FOXM1: variants seen among roughly 807,000 people sequenced by gnomAD.
The protein encoded by FOXM1 is forkhead box protein M1.
Under a neutral mutation model 63.6 loss-of-function variants are expected in FOXM1, and 25 were observed. That is an observed-to-expected ratio of 0.39 (90% confidence interval 0.29 to 0.55). The LOEUF is 0.55. Ranked by LOEUF, FOXM1 falls within the 20% of genes least tolerant of loss-of-function variation. The pLI, the probability that FOXM1 is intolerant of heterozygous loss-of-function variation, is 0.60. For synonymous variants in FOXM1, 387 were observed against 376.9 expected (o/e 1.03, Z -0.31); for missense variants, 879 against 958.7 (o/e 0.92, Z 1.10).
rs2098146652 is a variant in FOXM1 at position 2,877,106 on chromosome 12, C to G, written c.-234G>C. The G allele has an allele frequency of 6.6e-6, 1 of 151,886 alleles. No homozygotes were observed. The highest frequency in any genetic ancestry group is 1.5e-5 in the Non-Finnish European group (1 of 67,954). The allele number at this position is 151,886 out of a possible 1,614,324, so 9.4% of individuals were successfully genotyped here. ...AGGGGAGGGGGTCCCGGGCCGGGGC[C>G]GGGGGTGGGGTCTGGCACCGGAGCT... On this transcript the variant is annotated 5_prime_UTR_variant, in exon 1 of 9. Transcript: ENST00000359843.
chr12:2,864,701 C>A lies in FOXM1; in HGVS notation c.1072G>T (p.Glu358Ter). The part of the protein sequence containing the change: ...ELRRNMTIKT[E>*]LPLGARRKMK... ...TACTAACGTGCGCCCAGGGGGAGTT[C>A]GGTTTTGATGGTCATGTTCCGGCGG... The change falls in exon 7 of 9, where the codon GAA becomes TAA. Residue 358 changes from glutamate (E) to a stop codon, truncating the protein, a stop_gained. Coordinates refer to ENST00000359843, the MANE Select transcript of FOXM1 (RefSeq NM_021953.4). LOFTEE classifies it high-confidence loss of function. The surrounding 1 kb of genome is among the most constrained non-coding windows in gnomAD (Gnocchi z 5.1). 1 of 1,614,110 alleles carries A rather than the reference C, an allele frequency of 6.2e-7. No homozygotes were observed. Among genetic ancestry groups the A allele is most frequent in the South Asian group, 1.1e-5 (1 of 91,074 alleles).
At chr12:2,876,489 G>A (rs543699661) in intron 1 of FOXM1, 1 of 152,392 alleles carries the variant, frequency 6.6e-6, no homozygotes, top group South Asian at 2.1e-4. Flanking sequence ...ACATTCTCAA[G>A]AACCAGGAAA....
In FOXM1 at chr12:2,864,712, G is replaced by A; in HGVS notation, c.1061C>T (p.Thr354Ile). The change falls in exon 7 of 9, where the codon ACC becomes ATC. Residue 354 changes from threonine to isoleucine, a missense_variant. Physicochemically the swap from Thr to Ile is moderately conservative, Grantham distance 89 (BLOSUM62 -1). Transcript: ENST00000359843. The surrounding 1 kb of genome is among the most constrained non-coding windows in gnomAD (Gnocchi z 5.1). ...RPNPELRRNM[T>I]IKTELPLGAR... Reference sequence around the variant, plus strand: ...GCCCAGGGGGAGTTCGGTTTTGATGGTCATGTTCCGGCGGAGCTCTGGATT... The same window carrying A: ...GCCCAGGGGGAGTTCGGTTTTGATGATCATGTTCCGGCGGAGCTCTGGATT... 6.2e-7 allele frequency: 1 copy of A among 1,614,202 alleles called. No homozygotes were observed. Among genetic ancestry groups the A allele is most frequent in the Non-Finnish European group, 8.5e-7 (1 of 1,180,046 alleles).
chr12:2,860,957 A>G (rs2098111341), intron 8 of FOXM1, among the ~76,000 whole-genome samples: 1 of 151,850 alleles, frequency 6.6e-6, no homozygotes, highest in Non-Finnish European at 1.5e-5. Context: ...TCATGAGGTC[A>G]GGAGTTCGTG....
At chr12:2,865,886 T>G (rs1166142074) in intron 5 of FOXM1, among the ~76,000 whole-genome samples, 2 of 151,900 alleles carry the variant, frequency 1.3e-5, no homozygotes, top group African/African-American at 4.8e-5. Flanking sequence ...CTCCCGACCT[T>G]AGGTGATCCA....
In FOXM1 at chr12:2,865,415, C is replaced by T; in HGVS notation, c.976-16G>A. The stretch of plus-strand genomic sequence containing the variant: ...GGTCCAGTGGCTGGTGGCGGCCAGG[C>T]ATTGTGGGAGAGAAATGAGATGAAG... On this transcript the variant is annotated splice_polypyrimidine_tract_variant and intron_variant, in intron 5 of 8. Transcript: ENST00000359843. 6.2e-7 allele frequency: 1 copy of T among 1,607,672 alleles called. No individual in the cohort carries two copies. Among genetic ancestry groups the T allele is most frequent in the Non-Finnish European group, 8.5e-7 (1 of 1,176,630 alleles).
At chr12:2,868,361 AAC>A in intron 4 of FOXM1, 200 bp downstream of exon 4, 1 of 450,826 alleles carries the variant, frequency 2.2e-6, no homozygotes, top group Non-Finnish European at 3.9e-6. Context: ...TTTAGGTAGT[AAC>A]ACATGAAGTA....
Position 2,858,882 on chromosome 12 carries a change from T to G in FOXM1, c.2048A>C (p.Asp683Ala), listed in dbSNP as rs2098099725. 1 of 1,613,736 alleles carries G rather than the reference T, an allele frequency of 6.2e-7. No homozygotes were observed. The highest frequency in any genetic ancestry group is 1.6e-4 in the Middle Eastern group (1 of 6,062). The part of the protein sequence containing the change: ...PQRLLSSEPL[D>A]LISVPFGNSS... ...GTTGCCAAAGGGGACGGAGATGAGG[T>G]CTAAGGGTTCTGAACTGAGGAGCCT... Residue 683 changes from aspartate (D) to alanine (A), a missense_variant, in exon 9 of 9, where the codon GAC (aspartate) becomes GCC (alanine). Transcript: ENST00000359843.
intron 8 of FOXM1, chr12:2,861,283 A>G: frequency 1.4e-6 from 1 of 720,486 alleles, no homozygotes; most frequent in Non-Finnish European, 2.5e-6. Flanking sequence ...CATAATGACA[A>G]GGTGCTCAGA....
At chr12:2,865,267 A>C in intron 6 of FOXM1, 88 bp downstream of exon 6, 1 of 1,243,474 alleles carries the variant, frequency 8.0e-7, no homozygotes, top group Non-Finnish European at 1.1e-6. Context: ...CCTTCCCCAC[A>C]TCACATCTTG....
intron 8 of FOXM1, among the ~76,000 whole-genome samples, chr12:2,862,173 C>T (rs1168775976): frequency 6.9e-5 from 10 of 144,370 alleles, no homozygotes; most frequent in Admixed American, 1.4e-4. Flanking sequence ...AGTGAGACTC[C>T]GTCTCAGGAA....
intron 1 of FOXM1, among the ~76,000 whole-genome samples, chr12:2,875,794 CTT>C (rs890806599): frequency 2.1e-5 from 3 of 140,854 alleles, no homozygotes; most frequent in East Asian, 2.1e-4. Flanking sequence ...GAGCTTCGCT[CTT>C]GTCACCCAGG....
At chr12:2,863,452 A>C (rs1437314921) in intron 8 of FOXM1, among the ~76,000 whole-genome samples, 1 of 149,976 alleles carries the variant, frequency 6.7e-6, no homozygotes. Flanking sequence ...GCAGTGGTGC[A>C]AACAGGGCTC....
Position 2,858,921 on chromosome 12 carries a change from A to G in FOXM1, c.2009T>C (p.Leu670Pro), listed in dbSNP as rs563190488. 10 of 1,613,654 alleles carry G rather than the reference A, an allele frequency of 6.2e-6. No individual in the cohort carries two copies. The South Asian group carries it at 7.7e-5, about 12-fold the overall frequency. The change falls in exon 9 of 9, where the codon CTT becomes CCT. Residue 670 changes from leucine to proline, a missense_variant. Transcript: ENST00000359843. ...STTPLQSAPPLESPQRLLSSE... is the reference protein window; with the variant it reads ...STTPLQSAPPPESPQRLLSSE... ...ACTGAGGAGCCTTTGCGGTGATTCA[A>G]GGGGGGGAGCACTTTGCAAGGGAGT...
rs750704453 is a variant in FOXM1, at chr12:2,872,123, A to G, written c.627T>C (p.Asn209=). The part of the protein sequence containing the change: ...SIKQEMEEKE[N]CHLEQRQVKV... ...TAACCTGTCGCTGCTCCAGGTGACA[A>G]TTCTCCTTTTCCTCCATCTCTTGCT... The change falls in exon 3 of 9, where the codon AAT becomes AAC. Residue 209 remains asparagine, a synonymous_variant. Transcript: ENST00000359843. This position sits in a 1 kb window ranked among gnomAD's most constrained non-coding sequence, Gnocchi z 4.0. The G allele has an allele frequency of 3.7e-6, 6 of 1,614,136 alleles. No homozygotes were observed. The highest frequency in any genetic ancestry group is 1.1e-5 in the South Asian group (1 of 91,076).
At chr12:2,871,466 C>T (rs955488441) in intron 3 of FOXM1, among the ~76,000 whole-genome samples, 37 of 151,790 alleles carry the variant, frequency 2.4e-4, no homozygotes, top group Admixed American at 2.2e-3. Flanking sequence ...GGCAACATAG[C>T]GAAACCCCAT....
chr12:2,865,036 TG>T (rs2098120628), intron 6 of FOXM1: 1 of 581,880 alleles, frequency 1.7e-6, no homozygotes, highest in East Asian at 2.9e-5. Flanking sequence ...GCTATATGCG[TG>T]GCAAAGAAAA....
intron 4 of FOXM1, among the ~76,000 whole-genome samples, chr12:2,866,755 TG>T (rs1346496370): frequency 1.8e-4 from 28 of 152,108 alleles, no homozygotes; most frequent in Non-Finnish European, 7.3e-5. Flanking sequence ...AACCTTAGAT[TG>T]TGATAAAGAA....
intron 5 of FOXM1, among the ~76,000 whole-genome samples, chr12:2,865,933 G>T (rs920134766): frequency 1.3e-5 from 2 of 151,996 alleles, no homozygotes; most frequent in Non-Finnish European, 2.9e-5. Context: ...GATTACAGAC[G>T]TGAGCCACCA....
Sources: gnomAD v4.1 joint callset for allele counts (sites outside exome capture counted in the v4.1 genomes callset) on GRCh38, gnomAD v4.1.1 for gene constraint, Gnocchi (gnomAD v3.1) non-coding constraint, MANE v1.5 for transcripts, NCBI Gene and HGNC (gene_info 2026-07-23, HGNC 2026-07-21) for gene names.